Variants in RAF1 observed in about 807,000 individuals in gnomAD.
RAF1 encodes the protein Raf-1 proto-oncogene, serine/threonine kinase.
RAF1 carries 27 observed loss-of-function variants against 81.1 expected under a neutral mutation model. The ratio of observed to expected loss-of-function variants is 0.33; its 90% CI spans 0.25 to 0.46. The LOEUF (loss-of-function observed/expected upper bound fraction) is 0.46. RAF1 is among the 20% of genes least tolerant of loss of function. The pLI is 1.00. For missense variants in RAF1, 598 were observed against 826.0 expected (o/e 0.72, Z 3.38); for synonymous variants, 298 against 294.0 (o/e 1.01, Z -0.14).
chr3:12,609,155 C>T (rs550515708), intron 4 of RAF1, 78 bp downstream of exon 4: 101 of 1,117,738 alleles, frequency 9.0e-5, no homozygotes, highest in Middle Eastern at 7.8e-4. Context: ...TATATACATA[C>T]GCATATTACC....
At chr3:12,656,284 AAT>A (rs2060692120) in intron 1 of RAF1, among the ~76,000 whole-genome samples, 1 of 152,080 alleles carries the variant, frequency 6.6e-6, no homozygotes, top group East Asian at 1.9e-4. Flanking sequence ...AAAACCTATG[AAT>A]GCAAAAGGAA....
rs141886006 is a variant in RAF1 at position 12,593,295 on chromosome 3, G to A, written c.1169-1503C>T. ...GGGGTTTCACCATGTTGCCCAGGCT[G>A]GTCTCAAACTCCTGACCTCAAATGA... On this transcript the variant is annotated intron_variant, in intron 11 of 17. Coordinates refer to ENST00000442415, the MANE Select transcript of RAF1 (RefSeq NM_001354689.3). Among the ~76,000 whole-genome samples, 485 of 151,894 alleles carry A rather than the reference G, an allele frequency of 3.2e-3. 3 individuals are homozygous for A. Among genetic ancestry groups the A allele is most frequent in the African/African-American group, 0.011 (454 of 41,404 alleles).
At chr3:12,660,600 C>T (rs145682667) in intron 1 of RAF1, among the ~76,000 whole-genome samples, 5,227 of 152,244 alleles carry the variant, frequency 0.034, 312 homozygotes, top group African/African-American at 0.12. Context: ...AGGCCTGAGC[C>T]ACCACAACTG....
At chr3:12,585,593 A>G in intron 15 of RAF1, 88 bp downstream of exon 14, 1 of 1,396,622 alleles carries the variant, frequency 7.2e-7, no homozygotes, top group Middle Eastern at 1.8e-4. Context: ...GGGGAAATGT[A>G]CAGAAACGCT....
intron 8 of RAF1, among the ~76,000 whole-genome samples, chr3:12,601,157 C>T (rs1448741146): frequency 6.6e-6 from 1 of 152,158 alleles, no homozygotes; most frequent in Non-Finnish European, 1.5e-5. Flanking sequence ...CCTAAAATCA[C>T]AGAAAGCTGG....
chr3:12,642,469 G>A (rs2060219961), intron 1 of RAF1, among the ~76,000 whole-genome samples: 1 of 151,050 alleles, frequency 6.6e-6, no homozygotes, highest in African/African-American at 2.4e-5. Flanking sequence ...CTGAGATCGC[G>A]CCACAGCACT....
At chr3:12,620,449 T>C (rs2059522057) in intron 1 of RAF1, among the ~76,000 whole-genome samples, 2 of 151,924 alleles carry the variant, frequency 1.3e-5, no homozygotes, top group South Asian at 4.2e-4. Context: ...TTTTAATCCC[T>C]TCCTCCATCC....
rs576217501 is a variant in RAF1, at chr3:12,584,005, G to T, written c.*509C>A. The stretch of plus-strand genomic sequence containing the variant: ...ATAGTACCAAAGCAGGCTCCTTCGG[G>T]CGGCCAGAGTCTCGGCAGTCCTGGG... On this transcript the variant is annotated 3_prime_UTR_variant, in exon 18 of 18. Coordinates refer to ENST00000442415, the MANE Select transcript of RAF1 (RefSeq NM_001354689.3). 1.2e-4 allele frequency: 30 copies of T among 251,776 alleles called. No individual in the cohort carries two copies. Among genetic ancestry groups the T allele is most frequent in the African/African-American group, 6.3e-4 (29 of 45,890 alleles). 15.6% of individuals were successfully genotyped at this position (251,776 alleles called of 1,614,324 possible). A position where few individuals can be genotyped will look rare whatever the true frequency, so the allele number is the denominator to read the frequency against.
chr3:12,643,548 C>T (rs2060254968), intron 1 of RAF1, among the ~76,000 whole-genome samples: 1 of 152,054 alleles, frequency 6.6e-6, no homozygotes. Context: ...CAAAACCAGC[C>T]TGGCCAACAT....
intron 5 of RAF1, among the ~76,000 whole-genome samples, chr3:12,608,260 TGAAA>T (rs908975340): frequency 5.9e-5 from 9 of 152,340 alleles, no homozygotes; most frequent in African/African-American, 1.2e-4. Flanking sequence ...TATTGTCTCC[TGAAA>T]GAAACAAGAA....
chr3:12,660,577 G>C (rs908725699), intron 1 of RAF1, among the ~76,000 whole-genome samples: 1 of 152,112 alleles, frequency 6.6e-6, no homozygotes, highest in Non-Finnish European at 1.5e-5. Context: ...GCCTCCCAAA[G>C]TGCTGGGCTT....
Position 12,625,921 on chromosome 3 carries a change from C to T in RAF1, c.-26-7174G>A, listed in dbSNP as rs115102579. Among the ~76,000 whole-genome samples, 260 of 151,778 alleles carry T rather than the reference C, an allele frequency of 1.7e-3. 1 individual carries two copies. The highest frequency in any genetic ancestry group is 6.0e-3 in the African/African-American group (249 of 41,370). ...ATTTAATACTTCCAAGTACTATATG[C>T]GTAGTATAATATCGAAAGTAAACCA... On this transcript the variant is annotated intron_variant, in intron 1 of 17. Coordinates refer to ENST00000442415, the MANE Select transcript of RAF1 (RefSeq NM_001354689.3).
intron 1 of RAF1, among the ~76,000 whole-genome samples, chr3:12,628,753 G>T (rs1210430426): frequency 1.1e-4 from 7 of 65,516 alleles, no homozygotes; most frequent in Admixed American, 5.3e-4. Flanking sequence ...ACTATTTTTG[G>T]GGGGGGGGGG....
At chr3:12,608,648 A>G in intron 5 of RAF1, 118 bp downstream of exon 5, 1 of 1,195,598 alleles carries the variant, frequency 8.4e-7, no homozygotes, top group Admixed American at 1.7e-5. Context: ...TTTCTGGATC[A>G]CAATTCATTA....
At chr3:12,648,110 T>G (rs545191126) in intron 1 of RAF1, among the ~76,000 whole-genome samples, 1 of 152,306 alleles carries the variant, frequency 6.6e-6, no homozygotes, top group South Asian at 2.1e-4. Flanking sequence ...AACCCGAGTT[T>G]TTCTTTTCAC....
chr3:12,607,949 CAAAAA>C (rs58308841), intron 5 of RAF1, among the ~76,000 whole-genome samples: 3 of 66,860 alleles, frequency 4.5e-5, no homozygotes, highest in South Asian at 8.5e-4. Context: ...GACTTGTCTC[CAAAAA>C]AAAAAAAAAA....
chr3:12,609,033 G>C (rs1451024418), intron 4 of RAF1, 110 bp from the exon 5 acceptor site: 2 of 1,250,372 alleles, frequency 1.6e-6, no homozygotes, highest in East Asian at 2.5e-5. Flanking sequence ...CATACTTCCA[G>C]CATGTACAGA....
intron 8 of RAF1, among the ~76,000 whole-genome samples, chr3:12,600,662 A>G (rs1051457032): frequency 1.3e-5 from 2 of 152,322 alleles, no homozygotes; most frequent in South Asian, 2.1e-4. Flanking sequence ...CCCAGGTTCA[A>G]GCAATTCTCC....
At chr3:12,603,954 A>ACT (rs2058944688) in intron 7 of RAF1, among the ~76,000 whole-genome samples, 182 bp downstream of exon 7, 2 of 152,252 alleles carry the variant, frequency 1.3e-5, no homozygotes, top group Non-Finnish European at 2.9e-5. Flanking sequence ...TGAATGATAT[A>ACT]CTAACCAGAC....
Sources: gnomAD v4.1 joint callset for allele counts (sites outside exome capture counted in the v4.1 genomes callset) on GRCh38, gnomAD v4.1.1 for gene constraint, MANE v1.5 for transcripts, NCBI Gene and HGNC (gene_info 2026-07-23, HGNC 2026-07-21) for gene names.